The following ASMT variants were observed in gnomAD, a reference collection of about 807,000 sequenced individuals.
ASMT encodes the protein acetylserotonin O-methyltransferase.
A neutral mutation model predicts 41.3 loss-of-function variants in ASMT; 53 were observed. The ratio of observed to expected loss-of-function variants is 1.28; its 90% confidence interval spans 1.03 to 1.61. The LOEUF (loss-of-function observed/expected upper bound fraction) is 1.61, where lower values mean the gene tolerates loss of function less well. ASMT is among the 40% of genes most tolerant of loss of function. ASMT has a pLI of 0.00. For missense variants in ASMT, 531 were observed against 441.3 expected (o/e 1.20, Z -1.82); for synonymous variants, 231 against 184.8 (o/e 1.25, Z -2.03).
chrX:1,629,082 TTA>T (rs10582998), intron 4 of ASMT, among the ~76,000 whole-genome samples: 84,749 of 147,752 alleles, frequency 0.57, 23,655 homozygotes, highest in Middle Eastern at 0.66. Context: ...TTTCCTTTCT[TTA>T]TATATATATA....
intron 7 of ASMT, among the ~76,000 whole-genome samples, chrX:1,633,836 C>A (rs760494566): frequency 6.6e-6 from 1 of 152,280 alleles, no homozygotes; most frequent in East Asian, 1.9e-4. Context: ...GGTGGAGTTT[C>A]ACTGTGTTAG....
intron 5 of ASMT, among the ~76,000 whole-genome samples, chrX:1,631,012 G>A (rs1262817908): frequency 5.3e-5 from 8 of 150,172 alleles, no homozygotes; most frequent in Non-Finnish European, 8.9e-5. Flanking sequence ...CCGGGTTCAC[G>A]CCATTCTCCT....
intron 8 of ASMT, among the ~76,000 whole-genome samples, chrX:1,642,147 TCCTGATG>T (rs1396362305): frequency 6.9e-6 from 1 of 143,954 alleles, no homozygotes; most frequent in Non-Finnish European, 1.5e-5. Context: ...GGTCCACCCA[TCCTGATG>T]GTCCATGAGG....
chrX:1,619,087 T>C (rs1370614001), intron 1 of ASMT, among the ~76,000 whole-genome samples: 2 of 152,092 alleles, frequency 1.3e-5, no homozygotes, highest in Admixed American at 1.3e-4. Flanking sequence ...AATATCGCCT[T>C]AAGAAGATAA....
chrX:1,629,208 G>A lies in ASMT; in HGVS notation c.444-613G>A, dbSNP rs375221239. 8.5e-5 allele frequency among the ~76,000 whole-genome samples: 13 copies of A among 152,218 alleles called. No individual in the cohort carries two copies. In the East Asian group the frequency reaches 2.5e-3, roughly 29 times the overall value. On this transcript the variant is annotated intron_variant, in intron 4 of 8. Transcript: ENST00000381241. ...ACCTTGCAGCCTAGGCTTTTAGTGT[G>A]CCCATCACCTGAATAGTGACCGTGG...
At chrX:1,642,044 G>C (rs1366856455) in intron 8 of ASMT, among the ~76,000 whole-genome samples, 1 of 147,830 alleles carries the variant, frequency 6.8e-6, no homozygotes, top group Non-Finnish European at 1.5e-5. Context: ...CCAGTGTCCT[G>C]TGAGGTCCAT....
At chrX:1,616,948 T>C (rs1220503999) in intron 1 of ASMT, among the ~76,000 whole-genome samples, 2 of 151,900 alleles carry the variant, frequency 1.3e-5, no homozygotes, top group African/African-American at 2.4e-5. Flanking sequence ...GACCTCATGA[T>C]CCGCCCGCCT....
chrX:1,616,875 A>C (rs1259425019), intron 1 of ASMT, among the ~76,000 whole-genome samples: 1 of 151,546 alleles, frequency 6.6e-6, no homozygotes, highest in Non-Finnish European at 1.5e-5. Context: ...CGCCCGGCTA[A>C]TTTTTTGTAT....
intron 2 of ASMT, among the ~76,000 whole-genome samples, chrX:1,623,641 C>T (rs1354938014): frequency 6.6e-6 from 1 of 152,098 alleles, no homozygotes; most frequent in East Asian, 1.9e-4. Flanking sequence ...TGGCAGCTAC[C>T]GACCTCTGCC....
chrX:1,620,671 C>A (rs1241801311), intron 1 of ASMT, among the ~76,000 whole-genome samples: 2 of 152,018 alleles, frequency 1.3e-5, no homozygotes, highest in Non-Finnish European at 2.9e-5. Flanking sequence ...GAGACCGAGG[C>A]AGGCAGATCA....
In ASMT at chrX:1,619,118, A is replaced by G. The variant is rs754031171; in HGVS notation, c.69+3850A>G. Reference sequence around the variant, plus strand: ...GATAACATTTAGTATACCCTTGGCCAGGCACAGTGGCTCACGCCTGTAATC... The same window carrying G: ...GATAACATTTAGTATACCCTTGGCCGGGCACAGTGGCTCACGCCTGTAATC... On this transcript the variant is annotated intron_variant, in intron 1 of 8. Transcript: ENST00000381241. Among the ~76,000 whole-genome samples the G allele has an allele frequency of 6.6e-5, 10 of 152,256 alleles. No individual in the cohort carries two copies. The South Asian group carries it at 2.1e-3, about 32-fold the overall frequency.
chrX:1,636,421 C>T lies in ASMT; in HGVS notation c.788-17C>T, dbSNP rs374354625. 13 of 1,613,748 alleles carry T rather than the reference C, an allele frequency of 8.1e-6. No homozygotes were observed. Among genetic ancestry groups the T allele is most frequent in the African/African-American group, 2.7e-5 (2 of 74,880 alleles). ...TGGATTGCAGGCTGACCTCGGTGTG[C>T]CTGCCCTGTGTTCCAGGGGATTTCT... On this transcript the variant is annotated splice_polypyrimidine_tract_variant and intron_variant, in intron 7 of 8. Transcript: ENST00000381241.
Position 1,636,517 on chromosome X carries a change from G to C in ASMT, c.867G>C (p.Lys289Asn), listed in dbSNP as rs752979222. Residue 289 changes from lysine to asparagine, a missense_variant, in exon 8 of 9, where the codon AAG (lysine) becomes AAC (asparagine). Physicochemically the swap from Lys to Asn is moderately conservative, Grantham distance 94. Coordinates refer to ENST00000381241, the MANE Select transcript of ASMT (RefSeq NM_001171038.2). ...ARVLHDWADGKCSHLLERIYH... is the reference protein window; with the variant it reads ...ARVLHDWADGNCSHLLERIYH... Reference sequence around the variant, plus strand: ...TCCTCCATGACTGGGCAGACGGAAAGTGCTCACACCTGCTGGAGAGGATCT... The same window carrying C: ...TCCTCCATGACTGGGCAGACGGAAACTGCTCACACCTGCTGGAGAGGATCT... 1.1e-5 allele frequency: 18 copies of C among 1,613,804 alleles called. No homozygotes were observed. Among genetic ancestry groups the C allele is most frequent in the Non-Finnish European group, 1.5e-5 (18 of 1,179,870 alleles).
intron 7 of ASMT, among the ~76,000 whole-genome samples, chrX:1,635,565 G>T (rs1934927847): frequency 6.6e-6 from 1 of 151,876 alleles, no homozygotes; most frequent in African/African-American, 2.4e-5. Context: ...CAGAAAGAAA[G>T]AAAGAAAGAA....
intron 1 of ASMT, among the ~76,000 whole-genome samples, chrX:1,616,579 G>C (rs1248268328): frequency 6.6e-6 from 1 of 151,368 alleles, no homozygotes; most frequent in Non-Finnish European, 1.5e-5. Flanking sequence ...GCTTGAAAAG[G>C]GTTAATGATG....
intron 1 of ASMT, among the ~76,000 whole-genome samples, chrX:1,615,917 T>G (rs1414472976): frequency 1.3e-5 from 2 of 151,626 alleles, no homozygotes; most frequent in African/African-American, 4.8e-5. Context: ...TTAAAACATT[T>G]CATGATAGAG....
chrX:1,636,251 CCG>C (rs1934958180), intron 7 of ASMT, 185 bp from the exon 8 acceptor site: 1 of 887,538 alleles, frequency 1.1e-6, no homozygotes, highest in South Asian at 1.4e-5. Flanking sequence ...GCCACCGCGC[CCG>C]ACCTCAGTAT....
At chrX:1,616,360 A>C (rs5989853) in intron 1 of ASMT, among the ~76,000 whole-genome samples, 3 of 150,852 alleles carry the variant, frequency 2.0e-5, no homozygotes, top group Admixed American at 1.3e-4. Flanking sequence ...AAGGCCCCAT[A>C]TGGTATGACT....
intron 1 of ASMT, among the ~76,000 whole-genome samples, chrX:1,616,740 G>T (rs1395134115): frequency 6.7e-5 from 10 of 150,350 alleles, no homozygotes; most frequent in African/African-American, 2.2e-4. Context: ...ACAGAGTCTC[G>T]CTCTGTCGCC....
Sources: allele counts gnomAD v4.1 joint callset (sites outside exome capture counted in the v4.1 genomes callset), GRCh38; gene constraint gnomAD v4.1.1; transcripts MANE v1.5; gene names NCBI Gene and HGNC (gene_info 2026-07-23, HGNC 2026-07-21).